OIP5: variants seen among roughly 807,000 people sequenced by gnomAD.
OIP5 encodes the protein protein Mis18-beta.
A neutral mutation model predicts 20.3 loss-of-function variants in OIP5; 24 were observed. The observed-to-expected ratio is 1.18, with a 90% confidence interval of 0.86 to 1.66. The LOEUF (loss-of-function observed/expected upper bound fraction) is 1.66, where lower values mean the gene tolerates loss of function less well. Ranked by LOEUF, OIP5 falls within the 40% of genes most tolerant of loss-of-function variation. The pLI is 0.00. For missense variants in OIP5, 339 were observed against 289.5 expected (o/e 1.17, Z -1.24); for synonymous variants, 143 against 121.3 (o/e 1.18, Z -1.17).
chr15:41,328,670 G>A (rs2047877573), intron 2 of OIP5, among the ~76,000 whole-genome samples: 1 of 152,114 alleles, frequency 6.6e-6, no homozygotes, highest in African/African-American at 2.4e-5. Context: ...CATGCCAATT[G>A]TAGAATGTTT....
At chr15:41,326,755 G>A (rs1163574519) in intron 2 of OIP5, among the ~76,000 whole-genome samples, 1 of 152,082 alleles carries the variant, frequency 6.6e-6, no homozygotes, top group Admixed American at 6.6e-5. Flanking sequence ...ACCACAGTAG[G>A]TACTACGTCT....
At chr15:41,323,102 T>A (rs564746870) in intron 2 of OIP5, among the ~76,000 whole-genome samples, 18 of 152,080 alleles carry the variant, frequency 1.2e-4, no homozygotes, top group Non-Finnish European at 2.6e-4. Flanking sequence ...AAAAGCAAAA[T>A]ATGAAATAAA....
At chr15:41,324,543 G>A (rs2047849865) in intron 2 of OIP5, among the ~76,000 whole-genome samples, 1 of 152,048 alleles carries the variant, frequency 6.6e-6, no homozygotes, top group Non-Finnish European at 1.5e-5. Context: ...AAGGTGGAGT[G>A]CAATGGTGTG....
intron 2 of OIP5, among the ~76,000 whole-genome samples, chr15:41,326,254 T>C (rs906693799): frequency 1.8e-4 from 27 of 152,106 alleles, no homozygotes; most frequent in African/African-American, 6.3e-4. Flanking sequence ...GAAAAGAAAA[T>C]TGCAATAAGT....
At chr15:41,312,402 C>T (rs1595498271) in intron 4 of OIP5, among the ~76,000 whole-genome samples, 1 of 151,802 alleles carries the variant, frequency 6.6e-6, no homozygotes, top group South Asian at 2.1e-4. Context: ...CTCGGGTTAT[C>T]CATCCGCCTC....
intron 4 of OIP5, among the ~76,000 whole-genome samples, chr15:41,312,974 G>A (rs1258165597): frequency 6.6e-6 from 1 of 152,108 alleles, no homozygotes; most frequent in East Asian, 1.9e-4. Flanking sequence ...TGAGACAGTT[G>A]AGCAATTACA....
Position 41,332,556 on chromosome 15 carries a change from C to G in OIP5, c.6G>C (p.Ala2=). 1 of 1,599,716 alleles carries G rather than the reference C, an allele frequency of 6.3e-7. No homozygotes were observed. The highest frequency in any genetic ancestry group is 8.5e-7 in the Non-Finnish European group (1 of 1,173,740). M[A]AQPLRHRSRC... ...GTGAGCGATGCCGCAGCGGCTGAGC[C>G]GCCATCTTCCCGCAGCCGGCGCCTT... The change falls in exon 1 of 5, where the codon GCG becomes GCC. Residue 2 remains alanine (A), a synonymous_variant. Coordinates refer to ENST00000220514, the MANE Select transcript of OIP5 (RefSeq NM_007280.2).
At position 41,332,558 on chromosome 15, in the gene OIP5, C is replaced by G. The variant is rs749673115; in HGVS notation, c.4G>C (p.Ala2Pro). 1.3e-6 allele frequency: 2 copies of G among 1,599,202 alleles called. No individual in the cohort carries two copies. The highest frequency in any genetic ancestry group is 1.7e-4 in the Middle Eastern group (1 of 5,934). Residue 2 changes from alanine (A) to proline (P), a missense_variant, in exon 1 of 5, where the codon GCG becomes CCG. Transcript: ENST00000220514. MAAQPLRHRSRC... is the reference protein window; with the variant it reads MPAQPLRHRSRC... Reference sequence around the variant, plus strand: ...GAGCGATGCCGCAGCGGCTGAGCCGCCATCTTCCCGCAGCCGGCGCCTTCC... The same window carrying G: ...GAGCGATGCCGCAGCGGCTGAGCCGGCATCTTCCCGCAGCCGGCGCCTTCC...
rs758688316 is a variant in OIP5 at position 41,309,884 on chromosome 15, TTTTTTA to T, written c.595-41_595-36del. 2.8e-6 allele frequency: 4 copies of T among 1,449,452 alleles called. No homozygotes were observed. The African/African-American group carries it at 5.6e-5, about 20-fold the overall frequency. 89.8% of individuals were successfully genotyped at this position (1,449,452 alleles called of 1,614,324 possible). On this transcript the variant is annotated intron_variant, in intron 4 of 4. Coordinates refer to ENST00000220514, the MANE Select transcript of OIP5 (RefSeq NM_007280.2). Reference sequence around the variant, plus strand: ...GAAATATATAGATATCAGGGCATCTTTTTTTATTTTTACTTATTTTAAGAGACAGGG... The same window carrying T: ...GAAATATATAGATATCAGGGCATCTTTTTTTACTTATTTTAAGAGACAGGG...
In OIP5 at chr15:41,311,979, CGA is replaced by C. The variant is rs1235716503; in HGVS notation, c.594+1292_594+1293del. 1.2e-4 allele frequency among the ~76,000 whole-genome samples: 17 copies of C among 142,356 alleles called. 5 individuals carry two copies. The highest frequency in any genetic ancestry group is 1.9e-4 in the Non-Finnish European group (12 of 62,438). 93.4% of individuals were successfully genotyped at this position (142,356 alleles called of 152,430 possible). A position where few individuals can be genotyped will look rare whatever the true frequency, so the allele number is the denominator to read the frequency against. On this transcript the variant is annotated intron_variant, in intron 4 of 4. Coordinates refer to ENST00000220514, the MANE Select transcript of OIP5 (RefSeq NM_007280.2). ...AAGCGATTCTCCTGCCTCAGCCTCC[CGA>C]AAAGCTGGGATTATAGGCATGCGCC...
intron 2 of OIP5, among the ~76,000 whole-genome samples, chr15:41,321,744 TC>T (rs1404436404): frequency 1.3e-5 from 2 of 150,184 alleles, no homozygotes; most frequent in Non-Finnish European, 3.0e-5. Flanking sequence ...TTAAGAGTCA[TC>T]ACCACTCCCT....
chr15:41,313,835 G>A (rs1458172279), intron 3 of OIP5, among the ~76,000 whole-genome samples: 3 of 152,028 alleles, frequency 2.0e-5, no homozygotes, highest in Non-Finnish European at 4.4e-5. Context: ...TTGGTATCTG[G>A]TGAGGTCCTG....
Position 41,332,518 on chromosome 15 carries a change from G to A in OIP5, c.44C>T (p.Pro15Leu). Residue 15 changes from proline to leucine, a missense_variant, in exon 1 of 5, where the codon CCG becomes CTG. By Grantham distance (98) the Pro-to-Leu change is moderately conservative. Transcript: ENST00000220514. Reference protein sequence around the residue: ...PLRHRSRCATPPRGDFCGGTE... With the variant: ...PLRHRSRCATLPRGDFCGGTE... ...GCCACCACAAAAGTCCCCCCGGGGC[G>A]GCGTTGCACAACGTGAGCGATGCCG... 1.2e-6 allele frequency: 2 copies of A among 1,613,038 alleles called. No individual in the cohort carries two copies. The highest frequency in any genetic ancestry group is 1.7e-6 in the Non-Finnish European group (2 of 1,179,632).
intron 2 of OIP5, among the ~76,000 whole-genome samples, chr15:41,326,495 C>T (rs1187464378): frequency 6.6e-6 from 1 of 152,164 alleles, no homozygotes; most frequent in Non-Finnish European, 1.5e-5. Context: ...GTGATCTTGG[C>T]TTACCACAAC....
At chr15:41,324,758 G>C (rs940714742) in intron 2 of OIP5, among the ~76,000 whole-genome samples, 3 of 152,172 alleles carry the variant, frequency 2.0e-5, no homozygotes, top group African/African-American at 7.2e-5. Context: ...CAAAAGTGCT[G>C]GGATTACAAG....
intron 4 of OIP5, among the ~76,000 whole-genome samples, chr15:41,310,668 G>A (rs11070327): frequency 0.64 from 97,595 of 151,540 alleles, 33,282 homozygotes; most frequent in African/African-American, 0.86. Context: ...GTAAAGTTTC[G>A]TGTGAAAAAA....
At chr15:41,329,376 T>C (rs1449406760) in intron 2 of OIP5, among the ~76,000 whole-genome samples, 1 of 147,346 alleles carries the variant, frequency 6.8e-6, no homozygotes, top group Non-Finnish European at 1.5e-5. Context: ...AGTGTAGTGG[T>C]GCGATCTTGG....
chr15:41,321,891 C>T (rs529296598), intron 2 of OIP5, among the ~76,000 whole-genome samples: 1 of 150,110 alleles, frequency 6.7e-6, no homozygotes, highest in African/African-American at 2.5e-5. Flanking sequence ...CCAAATCCCC[C>T]TCTGCGAGAA....
intron 2 of OIP5, among the ~76,000 whole-genome samples, chr15:41,326,127 A>G: frequency 6.6e-6 from 1 of 152,174 alleles, no homozygotes; most frequent in Non-Finnish European, 1.5e-5. Flanking sequence ...ATGCCACTGG[A>G]CTCTAGCCTA....
Sources: gnomAD v4.1 joint callset for allele counts (sites outside exome capture counted in the v4.1 genomes callset) on GRCh38, gnomAD v4.1.1 for gene constraint, MANE v1.5 for transcripts, NCBI Gene and HGNC (gene_info 2026-07-23, HGNC 2026-07-21) for gene names.